The following AKAP13 variants were observed in gnomAD, a reference collection of about 807,000 sequenced individuals.
The protein encoded by AKAP13 is A-kinase anchoring protein 13.
Under a neutral mutation model 264.5 loss-of-function variants are expected in AKAP13, and 80 were observed. That is an observed-to-expected ratio of 0.30 (90% CI 0.25 to 0.36). AKAP13 has a LOEUF of 0.36. AKAP13 is among the 10% of genes least tolerant of loss of function. The probability of loss-of-function intolerance (pLI) is 1.00; values close to 1 mark genes in which losing one functional copy is unlikely to be tolerated. For synonymous variants in AKAP13, 1,380 were observed against 1,250.2 expected, an observed-to-expected ratio of 1.10 and a Z score of -2.19; for missense variants, 3,712 against 3,435.2, an observed-to-expected ratio of 1.08 and a Z score of -2.01.
intron 1 of AKAP13, among the ~76,000 whole-genome samples, chr15:85,472,886 A>C (rs1375058244): frequency 2.6e-5 from 4 of 152,242 alleles, no homozygotes; most frequent in Non-Finnish European, 5.9e-5. Flanking sequence ...GTAAATGTGG[A>C]AACAGGCCAT....
chr15:85,723,419 A>G (rs1056901313), intron 26 of AKAP13, 99 bp downstream of exon 26: 3 of 1,520,384 alleles, frequency 2.0e-6, no homozygotes, highest in African/African-American at 1.4e-5. Flanking sequence ...TTTTTCCCAG[A>G]GAGCCCATCT....
intron 5 of AKAP13, among the ~76,000 whole-genome samples, chr15:85,572,669 A>T (rs13379832): frequency 0.17 from 26,245 of 150,830 alleles, 2,518 homozygotes; most frequent in Non-Finnish European, 0.22. Flanking sequence ...TAAAAAAAAA[A>T]TTTTTTTTTT....
In AKAP13 at chr15:85,639,454, G is replaced by T; in HGVS notation, c.4237+5G>T. The T allele has an allele frequency of 6.2e-7, 1 of 1,608,726 alleles. No individual in the cohort carries two copies. The highest frequency in any genetic ancestry group is 8.5e-7 in the Non-Finnish European group (1 of 1,175,752). ...TGGCTTCCAAGCAGAGCCCAGGTAA[G>T]CTGAGATTATCCATTCATTTTCTGG... On this transcript the variant is annotated splice_donor_5th_base_variant and intron_variant, in intron 9 of 36. Coordinates refer to ENST00000394518, the MANE Select transcript of AKAP13 (RefSeq NM_007200.5).
intron 20 of AKAP13, among the ~76,000 whole-genome samples, chr15:85,716,476 GT>G (rs1365567766): frequency 1.3e-5 from 2 of 152,182 alleles, no homozygotes; most frequent in East Asian, 3.8e-4. Context: ...CTGTCAAGTG[GT>G]TAGCAGGGGG....
intron 5 of AKAP13, among the ~76,000 whole-genome samples, chr15:85,558,954 C>T (rs1409818045): frequency 6.6e-6 from 1 of 151,938 alleles, no homozygotes; most frequent in South Asian, 2.1e-4. Context: ...CCTCCTCCTC[C>T]CTCCCTTTGC....
chr15:85,418,521 G>T (rs2072353120), intron 1 of AKAP13, among the ~76,000 whole-genome samples: 1 of 152,206 alleles, frequency 6.6e-6, no homozygotes. Context: ...GGATTGTGTA[G>T]CCCTGATACC....
chr15:85,697,553 A>G (rs935346281), intron 17 of AKAP13, among the ~76,000 whole-genome samples: 2 of 152,230 alleles, frequency 1.3e-5, no homozygotes, highest in Non-Finnish European at 2.9e-5. Flanking sequence ...TGGGTGACAT[A>G]GCGAGACTCC....
At chr15:85,715,757 T>G in intron 19 of AKAP13, 31 bp from the exon 20 acceptor site, 1 of 1,586,488 alleles carries the variant, frequency 6.3e-7, no homozygotes, top group Non-Finnish European at 8.5e-7. Flanking sequence ...GCTGGATGGG[T>G]GATGCTTCAG....
rs2151064364 is a variant in AKAP13, at chr15:85,488,103, T to C, written c.33+2350T>C. Among the ~76,000 whole-genome samples the C allele has an allele frequency of 1.3e-5, 2 of 152,308 alleles. 1 individual carries two copies. The highest frequency in any genetic ancestry group is 1.3e-4 in the Admixed American group (2 of 15,304). ...TTGTAGAGACGAGATCTGACTATGCTGCCCAGGTTGGGCTCAAGTGATCCT... is the reference window on the plus strand; with the variant it reads ...TTGTAGAGACGAGATCTGACTATGCCGCCCAGGTTGGGCTCAAGTGATCCT... On this transcript the variant is annotated intron_variant, in intron 2 of 36. Transcript: ENST00000394518.
intron 15 of AKAP13, among the ~76,000 whole-genome samples, chr15:85,683,930 G>A (rs418776): frequency 2.0e-5 from 3 of 152,086 alleles, no homozygotes; most frequent in Non-Finnish European, 4.4e-5. Flanking sequence ...CCTCAATTCT[G>A]TCTGCTCCTC....
chr15:85,710,422 T>C, intron 18 of AKAP13, 157 bp from the exon 19 acceptor site: 1 of 588,544 alleles, frequency 1.7e-6, no homozygotes, highest in South Asian at 2.2e-5. Flanking sequence ...GCTTAGAGGA[T>C]GGCAATTGGG....
intron 3 of AKAP13, among the ~76,000 whole-genome samples, chr15:85,528,820 G>T (rs1049988064): frequency 6.6e-6 from 1 of 152,160 alleles, no homozygotes; most frequent in African/African-American, 2.4e-5. Context: ...TAAAGTTTGG[G>T]CTGTGTTTCT....
At chr15:85,455,692 G>A (rs532714105) in intron 1 of AKAP13, among the ~76,000 whole-genome samples, 1 of 151,832 alleles carries the variant, frequency 6.6e-6, no homozygotes, top group Admixed American at 6.6e-5. Context: ...TCTTCTTGAA[G>A]GTATATGCTG....
chr15:85,563,115 C>A (rs2078464881), intron 5 of AKAP13, among the ~76,000 whole-genome samples: 1 of 151,976 alleles, frequency 6.6e-6, no homozygotes, highest in African/African-American at 2.4e-5. Flanking sequence ...CAGACTTTAG[C>A]ACCTGTACTT....
chr15:85,636,327 G>A (rs986295940), intron 8 of AKAP13, among the ~76,000 whole-genome samples: 3 of 152,044 alleles, frequency 2.0e-5, no homozygotes, highest in Non-Finnish European at 4.4e-5. Context: ...AGGCAGTCAC[G>A]CCATTTGTGA....
At chr15:85,562,845 G>A (rs1195738863) in intron 5 of AKAP13, among the ~76,000 whole-genome samples, 4 of 144,082 alleles carry the variant, frequency 2.8e-5, no homozygotes, top group African/African-American at 7.6e-5. Flanking sequence ...ACAGGCATGC[G>A]CCACCACGCC....
intron 3 of AKAP13, among the ~76,000 whole-genome samples, chr15:85,527,854 C>A (rs937827165): frequency 6.6e-6 from 1 of 152,144 alleles, no homozygotes; most frequent in African/African-American, 2.4e-5. Context: ...GAAAAAGACA[C>A]CAGATTTTTA....
At position 85,380,615 on chromosome 15, in the gene AKAP13, A is replaced by G. The variant is rs1038002945; in HGVS notation, c.-195A>G. The G allele has an allele frequency of 1.6e-5, 2 of 126,492 alleles. No homozygotes were observed. The highest frequency in any genetic ancestry group is 3.2e-5 in the Non-Finnish European group (2 of 63,168). 7.8% of individuals were successfully genotyped at this position (126,492 alleles called of 1,614,324 possible). A position where few individuals can be genotyped will look rare whatever the true frequency, so the allele number is the denominator to read the frequency against. On this transcript the variant is annotated 5_prime_UTR_variant, in exon 1 of 37. Transcript: ENST00000394518. ...GCGGACTGGAGCTGTGTGCAGGGCC[A>G]GCGCGGAGCCCGAGCAGCCGCGGTG...
chr15:85,676,327 C>G (rs1055825796), intron 14 of AKAP13, among the ~76,000 whole-genome samples: 3 of 152,120 alleles, frequency 2.0e-5, no homozygotes, highest in Non-Finnish European at 4.4e-5. Flanking sequence ...AGTGAAGAAG[C>G]CTGAGTGAAG....
Sources: allele counts gnomAD v4.1 joint callset (sites outside exome capture counted in the v4.1 genomes callset), GRCh38; gene constraint gnomAD v4.1.1; transcripts MANE v1.5; gene names NCBI Gene and HGNC (gene_info 2026-07-23, HGNC 2026-07-21).